SP110: variants seen among roughly 807,000 people sequenced by gnomAD.
SP110 encodes interferon-induced protein 41, 30kD.
A neutral mutation model predicts 92.7 loss-of-function variants in SP110; 62 were observed. That is an observed-to-expected ratio of 0.67 (90% CI 0.55 to 0.83). SP110 has a LOEUF of 0.83. Ranked by LOEUF, SP110 falls within the 40% of genes least tolerant of loss-of-function variation. The probability of loss-of-function intolerance (pLI) is 0.00; values close to 1 mark genes in which losing one functional copy is unlikely to be tolerated. For synonymous variants in SP110, 273 were observed against 305.3 expected (o/e 0.89, Z 1.10); for missense variants, 793 against 863.9 (o/e 0.92, Z 1.03).
At chr2:230,171,951 C>A in intron 16 of SP110, 115 bp downstream of exon 16, 1 of 847,086 alleles carries the variant, frequency 1.2e-6, no homozygotes, top group Non-Finnish European at 2.1e-6. Flanking sequence ...AAATCGTCAT[C>A]CTTTAAAGGG....
chr2:230,169,470 A>G (rs112660854), intron 18 of SP110, among the ~76,000 whole-genome samples: 1 of 151,874 alleles, frequency 6.6e-6, no homozygotes. Context: ...ACTATGCCCA[A>G]AGTTTTAAAA....
Position 230,214,580 on chromosome 2 carries a change from G to A in SP110, c.316+370C>T, listed in dbSNP as rs546765645. Among the ~76,000 whole-genome samples, 10 of 152,278 alleles carry A rather than the reference G, an allele frequency of 6.6e-5. No individual in the cohort carries two copies. The South Asian group carries it at 1.7e-3, about 25-fold the overall frequency. The stretch of plus-strand genomic sequence containing the variant: ...CAAAAAAAGATACTTATTATTATCC[G>A]TCCACATTCATTTTTTCTTCCTCCC... On this transcript the variant is annotated intron_variant, in intron 3 of 18. Coordinates refer to ENST00000258381, the MANE Select transcript of SP110 (RefSeq NM_080424.4).
Position 230,212,337 on chromosome 2 carries a change from T to C in SP110, c.667+10A>G. On this transcript the variant is annotated intron_variant, in intron 5 of 18. Transcript: ENST00000258381. ...TTGAGCTAAGCGGTATCAGCCCCAG[T>C]CAGTGTTACCTTGCACAGTGCTAGT... 1 of 1,598,758 alleles carries C rather than the reference T, an allele frequency of 6.3e-7. No individual in the cohort carries two copies. The highest frequency in any genetic ancestry group is 1.3e-5 in the African/African-American group (1 of 74,798).
chr2:230,221,368 A>G (rs2045805236), upstream of SP110, among the ~76,000 whole-genome samples: 1 of 152,216 alleles, frequency 6.6e-6, no homozygotes, highest in East Asian at 1.9e-4. Flanking sequence ...CCCTACCAGG[A>G]CATCCACAAA....
In SP110 at chr2:230,172,947, C is replaced by T; in HGVS notation, c.1603G>A (p.Asp535Asn). ...LGELLKRKNS[D>N]ECEVCCQGGQ... ...CCTTGACAGCACACCTCGCATTCAT[C>T]CGAGTTTTTCCGCTGCAAGGGCAGA... is the stretch of plus-strand genomic sequence containing the variant. The change falls in exon 15 of 19, where the codon GAT becomes AAT. Residue 535 changes from aspartate (D) to asparagine (N), a missense_variant. Coordinates refer to ENST00000258381, the MANE Select transcript of SP110 (RefSeq NM_080424.4). The T allele has an allele frequency of 6.2e-7, 1 of 1,613,232 alleles. No homozygotes were observed. Among genetic ancestry groups the T allele is most frequent in the Non-Finnish European group, 8.5e-7 (1 of 1,179,196 alleles).
rs2078296035 is a variant in SP110 at position 230,165,341 on chromosome 2, A to G, written c.*3783T>C. 6.6e-6 allele frequency among the ~76,000 whole-genome samples: 1 copy of G among 152,264 alleles called. No individual in the cohort carries two copies. Among genetic ancestry groups the G allele is most frequent in the Non-Finnish European group, 1.5e-5 (1 of 68,042 alleles). ...CACACTTCAGTTGACTGAAAGGCAG[A>G]GCAAAAAGGAAGTATGGAGAAGTCG... On this transcript the variant is annotated 3_prime_UTR_variant, in exon 19 of 19. Coordinates refer to ENST00000258381, the MANE Select transcript of SP110 (RefSeq NM_080424.4).
At chr2:230,179,326 G>T (rs1218129969) in intron 12 of SP110, among the ~76,000 whole-genome samples, 3 of 152,048 alleles carry the variant, frequency 2.0e-5, no homozygotes, top group Non-Finnish European at 1.5e-5. Flanking sequence ...AGGCATGGGG[G>T]TGGAGGGTAG....
chr2:230,203,054 G>C (rs1462785012), intron 8 of SP110: 13 of 383,044 alleles, frequency 3.4e-5, no homozygotes, highest in Non-Finnish European at 4.9e-5. Flanking sequence ...ACACAGTCTC[G>C]TCTAGGTGGA....
At chr2:230,185,874 CT>C in intron 11 of SP110, 119 bp downstream of exon 11, 1 of 906,336 alleles carries the variant, frequency 1.1e-6, no homozygotes, top group Non-Finnish European at 1.9e-6. Flanking sequence ...TCATGTCCCT[CT>C]TTTCTGTACG....
chr2:230,165,391 T>A lies in SP110; in HGVS notation c.*3733A>T, dbSNP rs1205469923. ...GTGTCAAGAAAAGACCAGCAGGGAA[T>A]CTTAAACAGTGAAAACAGAAACACA... On this transcript the variant is annotated 3_prime_UTR_variant, in exon 19 of 19. Coordinates refer to ENST00000258381, the MANE Select transcript of SP110 (RefSeq NM_080424.4). Among the ~76,000 whole-genome samples, 1 of 152,202 alleles carries A rather than the reference T, an allele frequency of 6.6e-6. No individual in the cohort carries two copies. Among genetic ancestry groups the A allele is most frequent in the African/African-American group, 2.4e-5 (1 of 41,456 alleles).
In SP110 at chr2:230,167,571, T is replaced by A. The variant is rs1308398202; in HGVS notation, c.*1553A>T. On this transcript the variant is annotated 3_prime_UTR_variant, in exon 19 of 19. Coordinates refer to ENST00000258381, the MANE Select transcript of SP110 (RefSeq NM_080424.4). ...CAGAGGGTGAACTATGGTAGATTGC[T>A]TCTAAAGATGGGAGCAGCAATGTTT... The A allele has an allele frequency of 6.6e-6, 1 of 152,172 alleles. No individual in the cohort carries two copies. The highest frequency in any genetic ancestry group is 2.4e-5 in the African/African-American group (1 of 41,446). The allele number at this position is 152,172 out of a possible 1,614,324, so 9.4% of individuals were successfully genotyped here.
intron 8 of SP110, 68 bp downstream of exon 8, chr2:230,207,923 C>T: frequency 2.6e-6 from 2 of 784,134 alleles, no homozygotes; most frequent in South Asian, 1.4e-5. Flanking sequence ...CAACCCTCCA[C>T]AGCTTGACCT....
At chr2:230,201,829 G>A (rs1341710933) in intron 9 of SP110, among the ~76,000 whole-genome samples, 1 of 152,192 alleles carries the variant, frequency 6.6e-6, no homozygotes, top group Non-Finnish European at 1.5e-5. Flanking sequence ...AATTGATATG[G>A]TTTCAAATTT....
chr2:230,215,566 TGA>T (rs1370834671), intron 2 of SP110, among the ~76,000 whole-genome samples: 1 of 152,188 alleles, frequency 6.6e-6, no homozygotes, highest in Non-Finnish European at 1.5e-5. Flanking sequence ...CTCTCAAACT[TGA>T]GATAAGCCTG....
Position 230,212,551 on chromosome 2 carries a change from C to T in SP110, c.584-121G>A, listed in dbSNP as rs558535519. ...GCACAAGGGCAGAGGGTTGGAATGTCCCGGGAGTGGGAAGCAGGTGTTCTG... is the reference window on the plus strand; with the variant it reads ...GCACAAGGGCAGAGGGTTGGAATGTTCCGGGAGTGGGAAGCAGGTGTTCTG... On this transcript the variant is annotated intron_variant, in intron 4 of 18. Coordinates refer to ENST00000258381, the MANE Select transcript of SP110 (RefSeq NM_080424.4). 1.1e-5 allele frequency: 12 copies of T among 1,054,872 alleles called. No individual in the cohort carries two copies. The East Asian group carries it at 2.8e-4, about 25-fold the overall frequency. The allele number at this position is 1,054,872 out of a possible 1,614,324, so 65.3% of individuals were successfully genotyped here. A position where few individuals can be genotyped will look rare whatever the true frequency, so the allele number is the denominator to read the frequency against.
upstream of SP110, among the ~76,000 whole-genome samples, chr2:230,220,511 G>A (rs74566794): frequency 0.01 from 1,582 of 152,322 alleles, 72 homozygotes; most frequent in Admixed American, 0.071. Flanking sequence ...CACATGAACT[G>A]GAATTGTGCA....
upstream of SP110, among the ~76,000 whole-genome samples, chr2:230,223,137 A>G (rs892741268): frequency 1.3e-5 from 2 of 151,744 alleles, no homozygotes; most frequent in African/African-American, 4.8e-5. Flanking sequence ...CCCAGGTTCA[A>G]GTGATTCTCT....
chr2:230,203,715 C>A (rs944551320), intron 8 of SP110: 3 of 152,108 alleles, frequency 2.0e-5, no homozygotes, highest in African/African-American at 7.2e-5. Context: ...TTCAGCACTA[C>A]TATATATATT....
chr2:230,173,100 ACCT>A, intron 14 of SP110, 141 bp from the exon 15 acceptor site: 2 of 671,628 alleles, frequency 3.0e-6, no homozygotes, highest in Non-Finnish European at 5.5e-6. Context: ...AGCTGATGCC[ACCT>A]CCCTGGGGGA....
Sources: allele counts gnomAD v4.1 joint callset (sites outside exome capture counted in the v4.1 genomes callset), GRCh38; gene constraint gnomAD v4.1.1; transcripts MANE v1.5; gene names NCBI Gene and HGNC (gene_info 2026-07-23, HGNC 2026-07-21).